PPP1R9A: variants seen among roughly 807,000 people sequenced by gnomAD.
PPP1R9A encodes neurabin-1.
Under a neutral mutation model 141.9 loss-of-function variants are expected in PPP1R9A, and 59 were observed. The ratio of observed to expected loss-of-function variants is 0.42; its 90% confidence interval spans 0.34 to 0.52. PPP1R9A has a LOEUF of 0.52. Among genes scored for constraint, PPP1R9A ranks in the 20% least tolerant of loss-of-function variants. The pLI is 0.10. For synonymous variants in PPP1R9A, 500 were observed against 569.7 expected (o/e 0.88, Z 1.74); for missense variants, 1,444 against 1,611.9 (o/e 0.90, Z 1.78).
chr7:95,074,486 T>G lies in PPP1R9A; in HGVS notation c.1396-36773T>G, dbSNP rs543425600. ...TTTTGTTTTTTTTTTTTTTGTTGTT[T>G]TTTTTGAGACGGAGTTTCTCTCTTG... On this transcript the variant is annotated intron_variant, in intron 2 of 19. Transcript: ENST00000433360. 1.1e-3 allele frequency among the ~76,000 whole-genome samples: 171 copies of G among 151,492 alleles called. 3 individuals carry two copies. Among genetic ancestry groups the G allele is most frequent in the South Asian group, 5.8e-3 (28 of 4,798 alleles).
At chr7:95,194,932 C>A (rs933295247) in intron 5 of PPP1R9A, among the ~76,000 whole-genome samples, 7 of 151,970 alleles carry the variant, frequency 4.6e-5, no homozygotes, top group East Asian at 1.9e-4. Flanking sequence ...AAATTAAACC[C>A]AATGGGCTTT....
chr7:95,288,400 C>G (rs1177309898), intron 18 of PPP1R9A, 136 bp from the exon 19 acceptor site: 20 of 1,279,420 alleles, frequency 1.6e-5, no homozygotes, highest in Non-Finnish European at 2.1e-5. Flanking sequence ...TCTAACACCA[C>G]TAGAACCATT....
intron 7 of PPP1R9A, among the ~76,000 whole-genome samples, chr7:95,213,251 C>A (rs147864919): frequency 3.3e-5 from 5 of 150,652 alleles, no homozygotes; most frequent in Middle Eastern, 3.4e-3. Context: ...ACTCATTATT[C>A]AAAAATTTGA....
At position 95,269,219 on chromosome 7, in the gene PPP1R9A, T is replaced by C; in HGVS notation, c.2836T>C (p.Phe946Leu). The C allele has an allele frequency of 1.3e-6, 2 of 1,535,098 alleles. No homozygotes were observed. Among genetic ancestry groups the C allele is most frequent in the African/African-American group, 1.4e-5 (1 of 73,352 alleles). The change falls in exon 14 of 20, where the codon TTC becomes CTC. Residue 946 changes from phenylalanine to leucine, a missense_variant. Transcript: ENST00000433360. ...CTTATACCAACAGCCATCAAACAGT[T>C]TCTATAACCACATGCATATTACCAA... ...DSLERKPSNS[F>L]YNHMHITKLL...
intron 4 of PPP1R9A, among the ~76,000 whole-genome samples, chr7:95,133,868 T>G (rs1050341821): frequency 1.3e-5 from 2 of 152,036 alleles, no homozygotes; most frequent in Non-Finnish European, 2.9e-5. Context: ...TTTTATATTT[T>G]TAGTAGAGAC....
chr7:95,118,239 C>T (rs1374695689), intron 3 of PPP1R9A, among the ~76,000 whole-genome samples: 1 of 152,062 alleles, frequency 6.6e-6, no homozygotes, highest in Non-Finnish European at 1.5e-5. Flanking sequence ...AACTTTAAAA[C>T]TATAATGAAT....
At chr7:95,049,858 C>CT (rs1306347308) in intron 2 of PPP1R9A, among the ~76,000 whole-genome samples, 5 of 152,118 alleles carry the variant, frequency 3.3e-5, no homozygotes, top group Non-Finnish European at 7.3e-5. Context: ...TAGATCATTT[C>CT]TTTTTAGCTC....
At chr7:95,236,821 C>T (rs1366353074) in intron 8 of PPP1R9A, among the ~76,000 whole-genome samples, 1 of 150,692 alleles carries the variant, frequency 6.6e-6, no homozygotes, top group African/African-American at 2.4e-5. Context: ...TGATTTTTTT[C>T]TGAATATTGC....
At chr7:95,270,093 A>G (rs999978806) in intron 14 of PPP1R9A, among the ~76,000 whole-genome samples, 1 of 152,160 alleles carries the variant, frequency 6.6e-6, no homozygotes, top group Non-Finnish European at 1.5e-5. Context: ...TTTTACTTAC[A>G]TACTATCTAT....
chr7:95,186,253 AT>A (rs1395746233), intron 5 of PPP1R9A, among the ~76,000 whole-genome samples: 1 of 148,474 alleles, frequency 6.7e-6, no homozygotes. Flanking sequence ...CTCCCTAAAT[AT>A]TTTTTTAGGA....
At chr7:95,163,869 A>G (rs1257977460) in intron 5 of PPP1R9A, among the ~76,000 whole-genome samples, 7 of 152,120 alleles carry the variant, frequency 4.6e-5, no homozygotes, top group Admixed American at 4.6e-4. Flanking sequence ...CCTCGCAAGT[A>G]GCTGGATTAC....
intron 13 of PPP1R9A, 93 bp downstream of exon 13, chr7:95,268,800 G>C: frequency 6.9e-7 from 1 of 1,447,922 alleles, no homozygotes; most frequent in Non-Finnish European, 9.3e-7. Flanking sequence ...TGCAAACAGA[G>C]TCTATGTCCT....
intron 7 of PPP1R9A, among the ~76,000 whole-genome samples, chr7:95,218,049 T>C (rs1793771786): frequency 6.6e-6 from 1 of 152,194 alleles, no homozygotes; most frequent in South Asian, 2.1e-4. Flanking sequence ...TCTAGTTCTT[T>C]TAATTGTGAT....
At chr7:95,066,664 T>C (rs533346187) in intron 2 of PPP1R9A, among the ~76,000 whole-genome samples, 1 of 152,088 alleles carries the variant, frequency 6.6e-6, no homozygotes, top group South Asian at 2.1e-4. Context: ...CCCAATGAAG[T>C]AGAAATAGTA....
chr7:95,070,610 T>TATATATATATATATATATATATATAA (rs1321187469), intron 2 of PPP1R9A, among the ~76,000 whole-genome samples: 2 of 94,120 alleles, frequency 2.1e-5, no homozygotes, highest in Non-Finnish European at 2.9e-5. Context: ...TATATATATA[T>TATATATATATATATATATATATATAA]ACACACACAC....
intron 7 of PPP1R9A, among the ~76,000 whole-genome samples, chr7:95,217,076 G>C (rs925715522): frequency 8.6e-5 from 13 of 151,952 alleles, no homozygotes; most frequent in Non-Finnish European, 1.3e-4. Flanking sequence ...CCAGTTTTGG[G>C]CCATTCAGTA....
chr7:95,030,923 G>GTTTC (rs1026147511), intron 2 of PPP1R9A, among the ~76,000 whole-genome samples: 1 of 152,160 alleles, frequency 6.6e-6, no homozygotes, highest in African/African-American at 2.4e-5. Flanking sequence ...TCCTCCTGGG[G>GTTTC]TTTCGCTCTT....
At chr7:95,205,822 C>T (rs1297505264) in intron 7 of PPP1R9A, among the ~76,000 whole-genome samples, 1 of 152,146 alleles carries the variant, frequency 6.6e-6, no homozygotes, top group South Asian at 2.1e-4. Context: ...ATAAATTCCC[C>T]CCATTAGCCT....
intron 2 of PPP1R9A, among the ~76,000 whole-genome samples, chr7:94,993,475 A>G (rs74894295): frequency 0.014 from 2,094 of 152,274 alleles, 51 homozygotes; most frequent in African/African-American, 0.048. Flanking sequence ...GGAATCTGTG[A>G]ATCAATTTGG....
Sources: allele counts gnomAD v4.1 joint callset (sites outside exome capture counted in the v4.1 genomes callset), GRCh38; gene constraint gnomAD v4.1.1; transcripts MANE v1.5; gene names NCBI Gene and HGNC (gene_info 2026-07-23, HGNC 2026-07-21).